AGPAT3: variants seen among roughly 807,000 people sequenced by gnomAD.
The protein encoded by AGPAT3 is 1-acyl-sn-glycerol-3-phosphate acyltransferase gamma.
In AGPAT3, 5 loss-of-function variants were observed where a neutral mutation model predicts 47.3. That is an observed-to-expected ratio of 0.11 (90% CI 0.06 to 0.22). AGPAT3 has a LOEUF of 0.22. AGPAT3 is among the 10% of genes least tolerant of loss of function. The probability of loss-of-function intolerance (pLI) is 1.00; values close to 1 mark genes in which losing one functional copy is unlikely to be tolerated. For missense variants in AGPAT3, 315 were observed against 493.0 expected (o/e 0.64, Z 3.42); for synonymous variants, 212 against 208.3 (o/e 1.02, Z -0.15).
intron 2 of AGPAT3, among the ~76,000 whole-genome samples, chr21:43,910,253 G>A (rs556613410): frequency 6.6e-6 from 1 of 152,320 alleles, no homozygotes; most frequent in Admixed American, 6.5e-5. Context: ...GTGCCAGGCT[G>A]GTCCTGCGCC....
intron 2 of AGPAT3, among the ~76,000 whole-genome samples, chr21:43,949,215 T>C (rs972918930): frequency 1.3e-5 from 2 of 152,240 alleles, no homozygotes; most frequent in African/African-American, 4.8e-5. Context: ...TACATATTAC[T>C]ATCTAACAAA....
At chr21:43,874,005 G>C (rs2085680001) in intron 1 of AGPAT3, among the ~76,000 whole-genome samples, 1 of 152,088 alleles carries the variant, frequency 6.6e-6, no homozygotes, top group Non-Finnish European at 1.5e-5. Flanking sequence ...TCTAAGCTTA[G>C]TTTCTTAATT....
At chr21:43,969,740 C>A (rs761102977) in intron 5 of AGPAT3, among the ~76,000 whole-genome samples, 11 of 152,114 alleles carry the variant, frequency 7.2e-5, no homozygotes, top group Non-Finnish European at 1.5e-4. Context: ...CTCTGTCGCC[C>A]AGGCTGGAGT....
chr21:43,902,871 G>A (rs1444044359), intron 1 of AGPAT3, among the ~76,000 whole-genome samples: 1 of 152,296 alleles, frequency 6.6e-6, no homozygotes, highest in East Asian at 1.9e-4. Flanking sequence ...ATGGTGGCAT[G>A]CACCTGTAGT....
chr21:43,902,209 A>T (rs1356695738), intron 1 of AGPAT3, among the ~76,000 whole-genome samples: 2 of 152,230 alleles, frequency 1.3e-5, no homozygotes, highest in Non-Finnish European at 2.9e-5. Flanking sequence ...GTTTCTGATC[A>T]GAAACTATAC....
intron 7 of AGPAT3, among the ~76,000 whole-genome samples, chr21:43,972,465 C>T (rs901933614): frequency 1.3e-5 from 2 of 152,164 alleles, no homozygotes; most frequent in African/African-American, 4.8e-5. Context: ...TTTTCAAACC[C>T]TGTCTTGAGA....
At chr21:43,879,260 A>C (rs1483183741) in intron 1 of AGPAT3, among the ~76,000 whole-genome samples, 2 of 151,158 alleles carry the variant, frequency 1.3e-5, no homozygotes, top group Non-Finnish European at 2.9e-5. Context: ...TGAGACATGA[A>C]AATTGCCTGA....
intron 2 of AGPAT3, among the ~76,000 whole-genome samples, chr21:43,944,058 C>A (rs1350403989): frequency 1.3e-5 from 2 of 152,206 alleles, no homozygotes; most frequent in African/African-American, 4.8e-5. Context: ...CAGCAGCATC[C>A]ACTTCAGGCG....
In AGPAT3 at chr21:43,920,103, C is replaced by G. The variant is rs574036841; in HGVS notation, c.-49+16084C>G. ...AGAAGGGACAGGAGTGCACTGCAGG[C>G]GGGGGTGTGACCACGTCCGCACCCC... On this transcript the variant is annotated intron_variant, in intron 2 of 9. Coordinates refer to ENST00000291572, the MANE Select transcript of AGPAT3 (RefSeq NM_020132.5). The surrounding 1 kb of genome is among the most constrained non-coding windows in gnomAD (Gnocchi z 6.1). Among the ~76,000 whole-genome samples, 1 of 152,216 alleles carries G rather than the reference C, an allele frequency of 6.6e-6. No individual in the cohort carries two copies.
intron 2 of AGPAT3, among the ~76,000 whole-genome samples, chr21:43,929,571 C>T (rs566541090): frequency 3.9e-5 from 6 of 152,250 alleles, no homozygotes; most frequent in African/African-American, 1.4e-4. Flanking sequence ...CACAGCAAAG[C>T]CACCTCCCCC....
At chr21:43,871,138 G>A (rs2085616057) in intron 1 of AGPAT3, among the ~76,000 whole-genome samples, 1 of 152,360 alleles carries the variant, frequency 6.6e-6, no homozygotes, top group Admixed American at 6.5e-5. Context: ...CTGGGCTACA[G>A]TATTTATTTC....
chr21:43,917,970 T>G (rs1601301601), intron 2 of AGPAT3, among the ~76,000 whole-genome samples: 1 of 54,172 alleles, frequency 1.8e-5, no homozygotes, highest in Non-Finnish European at 3.2e-5. Context: ...GTGTGGGTGT[T>G]GGGGGTGTTG....
At chr21:43,914,339 T>G (rs2086686278) in intron 2 of AGPAT3, among the ~76,000 whole-genome samples, 1 of 152,220 alleles carries the variant, frequency 6.6e-6, no homozygotes, top group Non-Finnish European at 1.5e-5. Flanking sequence ...TTGGGACGTC[T>G]TCCTTCTTTA....
rs576893487 is a variant in AGPAT3 at position 43,924,535 on chromosome 21, G to A, written c.-49+20516G>A. 1.5e-4 allele frequency among the ~76,000 whole-genome samples: 23 copies of A among 152,274 alleles called. No homozygotes were observed. In the East Asian group the frequency reaches 4.1e-3, roughly 27 times the overall value. On this transcript the variant is annotated intron_variant, in intron 2 of 9. Transcript: ENST00000291572. ...GCTCTGCCTTTGCAAGCACTTTCAC[G>A]AACAGCAGATCCATCTTCCTCCTGT... is the stretch of plus-strand genomic sequence containing the variant.
Position 43,985,616 on chromosome 21 carries a change from C to T in AGPAT3, c.*3224C>T, listed in dbSNP as rs935383001. The T allele has an allele frequency of 8.7e-6, 2 of 229,350 alleles. No homozygotes were observed. The highest frequency in any genetic ancestry group is 1.7e-5 in the Non-Finnish European group (2 of 114,828). The allele number at this position is 229,350 out of a possible 1,614,324, so 14.2% of individuals were successfully genotyped here. On this transcript the variant is annotated 3_prime_UTR_variant, in exon 10 of 10. Coordinates refer to ENST00000291572, the MANE Select transcript of AGPAT3 (RefSeq NM_020132.5). Reference sequence around the variant, plus strand: ...AGTAGCTGTTGCCAGGCTGTCCATGCCTGTTGTGACTACCGGTTGGGGTCA... The same window carrying T: ...AGTAGCTGTTGCCAGGCTGTCCATGTCTGTTGTGACTACCGGTTGGGGTCA...
intron 2 of AGPAT3, among the ~76,000 whole-genome samples, chr21:43,918,889 T>G (rs1254971621): frequency 6.6e-6 from 1 of 152,226 alleles, no homozygotes; most frequent in Non-Finnish European, 1.5e-5. Context: ...CAGCTAAATT[T>G]TTAAATGCTG....
In AGPAT3 at chr21:43,892,368, C is replaced by T. The variant is rs117310207; in HGVS notation, c.-111-11589C>T. Among the ~76,000 whole-genome samples, 841 of 152,130 alleles carry T rather than the reference C, an allele frequency of 5.5e-3. 7 individuals are homozygous for T. The highest frequency in any genetic ancestry group is 8.6e-3 in the Non-Finnish European group (587 of 68,016). ...GATCCATGGGCTGCAGAGTGGATGT[C>T]GTGTTACCAGGTATGAAAGCAACAT... On this transcript the variant is annotated intron_variant, in intron 1 of 9. Coordinates refer to ENST00000291572, the MANE Select transcript of AGPAT3 (RefSeq NM_020132.5).
chr21:43,874,533 G>A (rs1428753784), intron 1 of AGPAT3, among the ~76,000 whole-genome samples: 2 of 152,198 alleles, frequency 1.3e-5, no homozygotes, highest in Non-Finnish European at 2.9e-5. Flanking sequence ...CATGGGCAGA[G>A]GGATATAGTC....
At chr21:43,975,918 A>G (rs2838455) in intron 7 of AGPAT3, among the ~76,000 whole-genome samples, 62,640 of 151,032 alleles carry the variant, frequency 0.41, 13,097 homozygotes, top group African/African-American at 0.49. Flanking sequence ...AGCATTGAGC[A>G]CCCGCTGTTA....
Sources: gnomAD v4.1 joint callset for allele counts (sites outside exome capture counted in the v4.1 genomes callset) on GRCh38, gnomAD v4.1.1 for gene constraint, Gnocchi (gnomAD v3.1) non-coding constraint, MANE v1.5 for transcripts, NCBI Gene and HGNC (gene_info 2026-07-23, HGNC 2026-07-21) for gene names.